AFG2A: variants seen among roughly 807,000 people sequenced by gnomAD.
AFG2A encodes ATPase family gene 2 protein homolog A.
At chr4:123,253,224 T>C in the AFG2A span, among the ~76,000 whole-genome samples, 1 of 152,054 alleles carries the variant, frequency 6.6e-6, no homozygotes, top group African/African-American at 2.4e-5. Context: ...GGCTCAAGCC[T>C]GTAATCCCAG....
At chr4:123,175,086 T>C in the AFG2A span, among the ~76,000 whole-genome samples, 46 of 152,258 alleles carry the variant, frequency 3.0e-4, no homozygotes, top group Middle Eastern at 3.4e-3. Flanking sequence ...GCCTATTTTC[T>C]AATCTTGATA....
At chr4:122,953,437 G>GGCAC in the AFG2A span, among the ~76,000 whole-genome samples, 7 of 152,182 alleles carry the variant, frequency 4.6e-5, no homozygotes, top group South Asian at 1.5e-3. Flanking sequence ...TATCCACTAG[G>GGCAC]GCACGCACAG....
the AFG2A span, among the ~76,000 whole-genome samples, chr4:123,211,532 T>TA: frequency 3.3e-5 from 5 of 152,144 alleles, no homozygotes; most frequent in African/African-American, 1.2e-4. Flanking sequence ...TGTCACAACA[T>TA]ACAAGCTGGA....
chr4:122,978,972 C>T, the AFG2A span, among the ~76,000 whole-genome samples: 4 of 152,174 alleles, frequency 2.6e-5, no homozygotes, highest in Non-Finnish European at 4.4e-5. Context: ...GGAGGGATAC[C>T]TGGGTCCACA....
the AFG2A span, among the ~76,000 whole-genome samples, chr4:123,186,312 T>C: frequency 2.0e-5 from 3 of 152,224 alleles, no homozygotes; most frequent in Non-Finnish European, 4.4e-5. Context: ...ATATTATGAC[T>C]ACAGAATAAT....
At chr4:123,308,940 C>T in the AFG2A span, among the ~76,000 whole-genome samples, 1 of 152,154 alleles carries the variant, frequency 6.6e-6, no homozygotes, top group Non-Finnish European at 1.5e-5. Context: ...CATGTCCTCT[C>T]CCCATCTTCT....
At chr4:123,033,566 G>A in the AFG2A span, among the ~76,000 whole-genome samples, 5 of 152,092 alleles carry the variant, frequency 3.3e-5, no homozygotes, top group Non-Finnish European at 7.4e-5. Context: ...ATAGGAAAGG[G>A]CAATCACAGC....
chr4:123,036,650 C>A, the AFG2A span, among the ~76,000 whole-genome samples: 3 of 152,088 alleles, frequency 2.0e-5, no homozygotes, highest in African/African-American at 7.2e-5. Context: ...TGTAAATACA[C>A]ATTTTACAAC....
the AFG2A span, among the ~76,000 whole-genome samples, chr4:123,032,597 G>C: frequency 6.6e-6 from 1 of 152,172 alleles, no homozygotes; most frequent in African/African-American, 2.4e-5. Flanking sequence ...TGTATTTTTA[G>C]TAGAGACGGG....
chr4:123,197,988 G>A, the AFG2A span, among the ~76,000 whole-genome samples: 1 of 151,214 alleles, frequency 6.6e-6, no homozygotes, highest in Non-Finnish European at 1.5e-5. Context: ...TAAGAGAAAC[G>A]AGCCGGGCGT....
chr4:122,929,167 T>C, the AFG2A span: 4 of 1,607,452 alleles, frequency 2.5e-6, no homozygotes, highest in South Asian at 4.5e-5. Context: ...GGTGCTGTGC[T>C]ACAGGCTGAG....
chr4:123,111,599 G>A, the AFG2A span, among the ~76,000 whole-genome samples: 3 of 151,990 alleles, frequency 2.0e-5, no homozygotes, highest in Admixed American at 6.6e-5. Flanking sequence ...CCCTTTAATA[G>A]TAGATCAAAT....
the AFG2A span, among the ~76,000 whole-genome samples, chr4:122,966,631 T>G: frequency 6.6e-6 from 1 of 152,198 alleles, no homozygotes; most frequent in African/African-American, 2.4e-5. Context: ...AGTTTTTCAT[T>G]TGTGAAATAA....
At chr4:123,131,011 A>G in the AFG2A span, among the ~76,000 whole-genome samples, 11 of 151,964 alleles carry the variant, frequency 7.2e-5, no homozygotes, top group African/African-American at 1.2e-4. Context: ...TGCTCTTATT[A>G]CCAGCAATAT....
the AFG2A span, chr4:122,928,971 C>T: frequency 1.3e-6 from 2 of 1,544,356 alleles, no homozygotes; most frequent in Admixed American, 2.0e-5. Context: ...GCTTAGCATT[C>T]TACCTTATAA....
the AFG2A span, among the ~76,000 whole-genome samples, chr4:123,225,799 G>A: frequency 6.6e-6 from 1 of 152,134 alleles, no homozygotes; most frequent in Non-Finnish European, 1.5e-5. Context: ...AATTACCTTG[G>A]GCAGTGTGGC....
At chr4:123,246,054 T>G in the AFG2A span, among the ~76,000 whole-genome samples, 4 of 152,220 alleles carry the variant, frequency 2.6e-5, no homozygotes, top group African/African-American at 7.2e-5. Flanking sequence ...TGTCCACCAG[T>G]TGAAAAGTCA....
chr4:122,940,689 A>G, the AFG2A span, among the ~76,000 whole-genome samples: 19 of 152,088 alleles, frequency 1.2e-4, no homozygotes, highest in African/African-American at 4.3e-4. Context: ...TTGGTGTTTT[A>G]GACATGAAGT....
chr4:123,022,227 A>G, the AFG2A span, among the ~76,000 whole-genome samples: 1 of 151,500 alleles, frequency 6.6e-6, no homozygotes, highest in African/African-American at 2.4e-5. Flanking sequence ...CAGCAAAAGA[A>G]ACTACCATCA....
Sources: gnomAD v4.1 joint callset for allele counts (sites outside exome capture counted in the v4.1 genomes callset) on GRCh38, gnomAD v4.1.1 for gene constraint, MANE v1.5 for transcripts, NCBI Gene and HGNC (gene_info 2026-07-23, HGNC 2026-07-21) for gene names.